Variants in NCAM2 observed in about 807,000 individuals in gnomAD.
NCAM2 encodes the protein neural cell adhesion molecule 2.
In NCAM2, 30 loss-of-function variants were observed where a neutral mutation model predicts 98.1. The observed-to-expected ratio is 0.31, with a 90% CI of 0.23 to 0.41. NCAM2 has a LOEUF of 0.41. Ranked by LOEUF, NCAM2 falls within the 10% of genes least tolerant of loss-of-function variation. The pLI is 1.00. For synonymous variants in NCAM2, 368 were observed against 342.4 expected (o/e 1.07, Z -0.83); for missense variants, 867 against 1,005.8 (o/e 0.86, Z 1.87).
intron 1 of NCAM2, among the ~76,000 whole-genome samples, chr21:21,249,221 A>C (rs1321027204): frequency 6.6e-6 from 1 of 152,194 alleles, no homozygotes; most frequent in Non-Finnish European, 1.5e-5. Flanking sequence ...ATTCCACAAG[A>C]GAATTAAATT....
chr21:21,304,498 C>T (rs1009976540), intron 5 of NCAM2, among the ~76,000 whole-genome samples: 4 of 151,870 alleles, frequency 2.6e-5, no homozygotes, highest in African/African-American at 9.7e-5. Context: ...CAACAAAAGC[C>T]GTTATGATAA....
At chr21:21,131,393 C>T (rs1182972589) in intron 1 of NCAM2, among the ~76,000 whole-genome samples, 2 of 152,112 alleles carry the variant, frequency 1.3e-5, no homozygotes, top group Non-Finnish European at 2.9e-5. Context: ...CCTGTCTCAG[C>T]CTCCCTAGTA....
chr21:21,185,596 A>G (rs370506480), intron 1 of NCAM2, among the ~76,000 whole-genome samples: 54 of 152,322 alleles, frequency 3.5e-4, no homozygotes, highest in African/African-American at 1.2e-3. Context: ...GAAATGGTTT[A>G]GTCACATCTC....
chr21:21,522,138 AATAT>A lies in NCAM2; in HGVS notation c.2283-12394_2283-12391del, dbSNP rs1280594108. Among the ~76,000 whole-genome samples the A allele has an allele frequency of 2.0e-5, 3 of 148,022 alleles. No homozygotes were observed. In the East Asian group the frequency reaches 5.8e-4, roughly 29 times the overall value. Reference sequence around the variant, plus strand: ...AATACTATATTTATATATAAATATGAATATATATGAATGAATACTATATATATGA... The same window carrying A: ...AATACTATATTTATATATAAATATGAATATGAATGAATACTATATATATGA... On this transcript the variant is annotated intron_variant, in intron 16 of 17. Transcript: ENST00000400546.
intron 8 of NCAM2, among the ~76,000 whole-genome samples, chr21:21,341,744 A>G (rs1321332842): frequency 6.7e-6 from 1 of 150,240 alleles, no homozygotes; most frequent in East Asian, 1.9e-4. Context: ...CAATCACCAG[A>G]TAAGACAAAA....
intron 1 of NCAM2, among the ~76,000 whole-genome samples, chr21:21,145,531 C>T (rs539384899): frequency 3.3e-5 from 5 of 152,132 alleles, no homozygotes; most frequent in African/African-American, 1.2e-4. Flanking sequence ...GATAAATAGG[C>T]ATACTTTTTA....
chr21:21,499,429 G>A (rs1987476445), intron 15 of NCAM2, among the ~76,000 whole-genome samples: 1 of 152,070 alleles, frequency 6.6e-6, no homozygotes, highest in Non-Finnish European at 1.5e-5. Flanking sequence ...TTATAGTAGA[G>A]ACAGGGTTTC....
intron 6 of NCAM2, among the ~76,000 whole-genome samples, chr21:21,328,290 C>A (rs901141845): frequency 4.6e-5 from 7 of 152,088 alleles, no homozygotes; most frequent in African/African-American, 7.2e-5. Context: ...CTACATAATA[C>A]TTGATAAATA....
At chr21:21,097,014 A>G (rs2066138014) in intron 1 of NCAM2, among the ~76,000 whole-genome samples, 2 of 151,654 alleles carry the variant, frequency 1.3e-5, no homozygotes, top group African/African-American at 2.4e-5. Context: ...TTTGATTTCA[A>G]TTTCACTTAC....
At chr21:21,067,940 C>T (rs565855737) in intron 1 of NCAM2, among the ~76,000 whole-genome samples, 7 of 151,842 alleles carry the variant, frequency 4.6e-5, no homozygotes, top group Admixed American at 4.6e-4. Flanking sequence ...ATTAAAAAAA[C>T]TGAATTTCTT....
intron 1 of NCAM2, among the ~76,000 whole-genome samples, chr21:21,214,557 C>G (rs1033662183): frequency 5.9e-5 from 9 of 151,756 alleles, no homozygotes; most frequent in African/African-American, 2.2e-4. Flanking sequence ...ACAGGATGTG[C>G]TATCAGCACA....
In NCAM2 at chr21:21,508,830, TTTTTTTTTTTAC is replaced by T; in HGVS notation, c.2078-15_2078-4del. 9.5e-7 allele frequency: 1 copy of T among 1,054,816 alleles called. No individual in the cohort carries two copies. The allele number at this position is 1,054,816 out of a possible 1,614,324, so 65.3% of individuals were successfully genotyped here. On this transcript the variant is annotated splice_polypyrimidine_tract_variant and intron_variant, in intron 15 of 17. Transcript: ENST00000400546. Reference sequence around the variant, plus strand: ...TTCCTTTTTTTTTTTTTTTTTTTTTTTTTTTTTTTTACTTTTTAAGACACGCTGTTTAATGGT... The same window carrying T: ...TTCCTTTTTTTTTTTTTTTTTTTTTTTTTTTAAGACACGCTGTTTAATGGT...
chr21:21,071,274 G>T (rs968395996), intron 1 of NCAM2, among the ~76,000 whole-genome samples: 1 of 152,140 alleles, frequency 6.6e-6, no homozygotes, highest in Admixed American at 6.6e-5. Context: ...GGAATGAAGG[G>T]AACAAATGAG....
chr21:21,086,438 C>T (rs181569516), intron 1 of NCAM2, among the ~76,000 whole-genome samples: 1 of 152,222 alleles, frequency 6.6e-6, no homozygotes. Context: ...ATGAAAGGGA[C>T]TATATGATTG....
rs757388999 is a variant in NCAM2, at chr21:21,284,217, G to T, written c.154G>T (p.Asp52Tyr). The T allele has an allele frequency of 6.2e-7, 1 of 1,612,018 alleles. No individual in the cohort carries two copies. Among genetic ancestry groups the T allele is most frequent in the African/African-American group, 1.3e-5 (1 of 74,938 alleles). ...AGCGATTGGTGAACCTGAAAGTATAGATTGGTATAATCCTCAAGGAGAGAA... is the reference window on the plus strand; with the variant it reads ...AGCGATTGGTGAACCTGAAAGTATATATTGGTATAATCCTCAAGGAGAGAA... ...CTAIGEPESI[D>Y]WYNPQGEKII... The change falls in exon 3 of 18, where the codon GAT becomes TAT. Residue 52 changes from aspartate (D) to tyrosine (Y), a missense_variant. By Grantham distance (160) the Asp-to-Tyr change is radical. Transcript: ENST00000400546.
intron 9 of NCAM2, among the ~76,000 whole-genome samples, chr21:21,393,808 T>A (rs570658344): frequency 1.4e-3 from 207 of 152,230 alleles, no homozygotes; most frequent in Non-Finnish European, 2.6e-3. Flanking sequence ...TTCAAATATA[T>A]AACATAACCA....
chr21:21,477,148 GC>G (rs1181280653), intron 14 of NCAM2, 142 bp from the exon 15 acceptor site: 44 of 501,762 alleles, frequency 8.8e-5, no homozygotes, highest in Non-Finnish European at 2.7e-5. Flanking sequence ...CATTGACACA[GC>G]AACTTCATGT....
chr21:21,535,274 A>C (rs1193065482), intron 17 of NCAM2, among the ~76,000 whole-genome samples: 4 of 152,126 alleles, frequency 2.6e-5, no homozygotes, highest in Non-Finnish European at 5.9e-5. Context: ...AATTAGAATA[A>C]TTCAAAGCAA....
chr21:21,286,426 T>G lies in NCAM2; in HGVS notation c.481+14T>G. 2 of 1,610,404 alleles carry G rather than the reference T, an allele frequency of 1.2e-6. No individual in the cohort carries two copies. Among genetic ancestry groups the G allele is most frequent in the Non-Finnish European group, 1.7e-6 (2 of 1,177,560 alleles). On this transcript the variant is annotated intron_variant, in intron 4 of 17. Coordinates refer to ENST00000400546, the MANE Select transcript of NCAM2 (RefSeq NM_004540.5). ...CTATTTCCGACAGTTAGTATTTTGG[T>G]AACTCCCTAAGTTATATGTTCTAAT...
Sources: gnomAD v4.1 joint callset for allele counts (sites outside exome capture counted in the v4.1 genomes callset) on GRCh38, gnomAD v4.1.1 for gene constraint, MANE v1.5 for transcripts, NCBI Gene and HGNC (gene_info 2026-07-23, HGNC 2026-07-21) for gene names.